RNF149: variants seen among roughly 807,000 people sequenced by gnomAD.
The protein encoded by RNF149 is E3 ubiquitin-protein ligase RNF149.
A neutral mutation model predicts 39.0 loss-of-function variants in RNF149; 21 were observed. The ratio of observed to expected loss-of-function variants is 0.54; its 90% CI spans 0.38 to 0.77. The LOEUF is 0.77. Ranked by LOEUF, RNF149 falls within the 30% of genes least tolerant of loss-of-function variation. The pLI, the probability that RNF149 is intolerant of heterozygous loss-of-function variation, is 0.00. For synonymous variants in RNF149, 209 were observed against 213.6 expected, an observed-to-expected ratio of 0.98 and a Z score of 0.19; for missense variants, 493 against 534.9, an observed-to-expected ratio of 0.92 and a Z score of 0.77.
intron 1 of RNF149, chr2:101,307,893 T>C: frequency 2.0e-6 from 2 of 985,400 alleles, no homozygotes; most frequent in Non-Finnish European, 2.4e-6. Flanking sequence ...TAGTACTCCC[T>C]TCACCTCATC....
intron 1 of RNF149, among the ~76,000 whole-genome samples, chr2:101,303,498 G>T (rs377360609): frequency 1.3e-5 from 2 of 152,100 alleles, no homozygotes; most frequent in East Asian, 3.9e-4. Flanking sequence ...AGAGCATCAA[G>T]AATTTATTAT....
At chr2:101,287,791 A>G (rs1682851343) in intron 4 of RNF149, among the ~76,000 whole-genome samples, 1 of 152,188 alleles carries the variant, frequency 6.6e-6, no homozygotes, top group Non-Finnish European at 1.5e-5. Flanking sequence ...TTTCCTTCAC[A>G]GAATTATCAA....
At chr2:101,288,532 T>C (rs1682882745) in intron 4 of RNF149, among the ~76,000 whole-genome samples, 1 of 152,070 alleles carries the variant, frequency 6.6e-6, no homozygotes, top group African/African-American at 2.4e-5. Context: ...AATATTGATT[T>C]TAAACAACCT....
chr2:101,277,816 T>C (rs1457641710), intron 6 of RNF149, among the ~76,000 whole-genome samples: 1 of 152,190 alleles, frequency 6.6e-6, no homozygotes, highest in Non-Finnish European at 1.5e-5. Context: ...CCAACATTAA[T>C]CTCATCAGCA....
At chr2:101,298,130 T>A (rs564817317) in intron 1 of RNF149, among the ~76,000 whole-genome samples, 39 of 152,172 alleles carry the variant, frequency 2.6e-4, no homozygotes, top group Middle Eastern at 3.2e-3. Flanking sequence ...CAATGAGGTA[T>A]CTATAAAGAT....
chr2:101,284,163 GAAGA>G (rs1682702352), intron 5 of RNF149, among the ~76,000 whole-genome samples: 1 of 152,200 alleles, frequency 6.6e-6, no homozygotes. Context: ...AGAAATTCTA[GAAGA>G]GAGACAAATT....
chr2:101,291,820 T>C (rs1683023628), intron 3 of RNF149, among the ~76,000 whole-genome samples: 1 of 152,200 alleles, frequency 6.6e-6, no homozygotes, highest in Non-Finnish European at 1.5e-5. Flanking sequence ...GAATACAATG[T>C]AGACTGAAGA....
intron 1 of RNF149, 76 bp from the exon 2 acceptor site, chr2:101,295,257 T>A: frequency 7.9e-7 from 1 of 1,262,136 alleles, no homozygotes; most frequent in Non-Finnish European, 1.1e-6. Flanking sequence ...AATATAAGGG[T>A]ACTATGTTCA....
chr2:101,287,979 A>C (rs1342969771), intron 4 of RNF149, among the ~76,000 whole-genome samples: 1 of 152,114 alleles, frequency 6.6e-6, no homozygotes. Flanking sequence ...ATTCTTTTAA[A>C]AAAGTTATCA....
At chr2:101,288,850 A>G in intron 4 of RNF149, 123 bp downstream of exon 4, 1 of 598,640 alleles carries the variant, frequency 1.7e-6, no homozygotes, top group Non-Finnish European at 3.0e-6. Context: ...CTGCTTTTCT[A>G]AAAAGAAGAG....
chr2:101,297,909 T>C (rs1573253585), intron 1 of RNF149, among the ~76,000 whole-genome samples: 1 of 152,326 alleles, frequency 6.6e-6, no homozygotes, highest in African/African-American at 2.4e-5. Flanking sequence ...AATGAAAACA[T>C]TTCCTGTAAG....
At chr2:101,303,233 A>G (rs569798278) in intron 1 of RNF149, among the ~76,000 whole-genome samples, 1 of 151,134 alleles carries the variant, frequency 6.6e-6, no homozygotes, top group Non-Finnish European at 1.5e-5. Flanking sequence ...CTCATGTCTC[A>G]GCCTCCCGAG....
At chr2:101,275,509 T>C (rs916256507), downstream of RNF149, among the ~76,000 whole-genome samples, 1 of 127,638 alleles carries the variant, frequency 7.8e-6, no homozygotes, top group African/African-American at 3.0e-5. Context: ...TGGCGGGATC[T>C]CGGCTCACTG....
At position 101,275,761 on chromosome 2, in the gene RNF149, CAA is replaced by C. The variant is rs1390643194; in HGVS notation, c.*1475_*1476del. On this transcript the variant is annotated 3_prime_UTR_variant, in exon 7 of 7. Coordinates refer to ENST00000295317, the MANE Select transcript of RNF149 (RefSeq NM_173647.4). ...CGGCCCTCCTAGTATTTCTTAAAGA[CAA>C]AGAGCAAACAATCTACTTGCTACAG... 1 of 979,490 alleles carries C rather than the reference CAA, an allele frequency of 1.0e-6. No individual in the cohort carries two copies. Among genetic ancestry groups the C allele is most frequent in the African/African-American group, 1.8e-5 (1 of 57,058 alleles). The allele number at this position is 979,490 out of a possible 1,614,324, so 60.7% of individuals were successfully genotyped here.
intron 1 of RNF149, among the ~76,000 whole-genome samples, chr2:101,306,336 C>T (rs1043770684): frequency 2.0e-4 from 30 of 152,154 alleles, no homozygotes; most frequent in African/African-American, 6.5e-4. Context: ...ACTACTAAAG[C>T]AGGGAACACT....
At chr2:101,274,849 C>T (rs1004142389), downstream of RNF149, among the ~76,000 whole-genome samples, 4 of 152,124 alleles carry the variant, frequency 2.6e-5, no homozygotes, top group Non-Finnish European at 4.4e-5. Context: ...TGCAATGGCA[C>T]GATCTCGGCT....
chr2:101,285,061 A>AT (rs1010135847), intron 5 of RNF149, among the ~76,000 whole-genome samples: 6 of 151,772 alleles, frequency 4.0e-5, no homozygotes, highest in South Asian at 4.2e-4. Context: ...TATCCGGCTA[A>AT]TTTTTTTTGT....
chr2:101,308,099 C>T (rs1299261177), intron 1 of RNF149, 30 bp downstream of exon 1: 2 of 1,601,296 alleles, frequency 1.2e-6, no homozygotes, highest in Non-Finnish European at 1.7e-6. Flanking sequence ...GCGAAGTCCC[C>T]CTCCCGTCCT....
chr2:101,293,068 A>G (rs2104413783), intron 3 of RNF149, among the ~76,000 whole-genome samples: 1 of 152,020 alleles, frequency 6.6e-6, no homozygotes, highest in South Asian at 2.1e-4. Context: ...CTGTAGTACG[A>G]AAACAATCAG....
Sources: gnomAD v4.1 joint callset for allele counts (sites outside exome capture counted in the v4.1 genomes callset) on GRCh38, gnomAD v4.1.1 for gene constraint, MANE v1.5 for transcripts, NCBI Gene and HGNC (gene_info 2026-07-23, HGNC 2026-07-21) for gene names.